AASS: variants seen among roughly 807,000 people sequenced by gnomAD.
AASS encodes aminoadipate-semialdehyde synthase.
A neutral mutation model predicts 105.4 loss-of-function variants in AASS; 86 were observed. The ratio of observed to expected loss-of-function variants is 0.82; its 90% CI spans 0.69 to 0.98. The LOEUF is 0.98. Among genes scored for constraint, AASS ranks in the 50% least tolerant of loss-of-function variants. The pLI is 0.00. For synonymous variants in AASS, 381 were observed against 394.8 expected (o/e 0.96, Z 0.41); for missense variants, 1,048 against 1,143.2 (o/e 0.92, Z 1.20).
chr7:122,133,843 T>C (rs1796023714), intron 1 of AASS, 102 bp from the exon 2 acceptor site: 4 of 996,702 alleles, frequency 4.0e-6, no homozygotes, highest in African/African-American at 3.2e-5. Context: ...CCCGCTCTTA[T>C]GAAAACAGAC....
intron 19 of AASS, among the ~76,000 whole-genome samples, chr7:122,084,997 T>C (rs1485646797): frequency 2.6e-5 from 4 of 152,184 alleles, no homozygotes; most frequent in South Asian, 4.1e-4. Context: ...CCTCAGAATA[T>C]GGCCTCACTT....
At chr7:122,134,342 T>C (rs1160867681) in intron 1 of AASS, among the ~76,000 whole-genome samples, 1 of 152,154 alleles carries the variant, frequency 6.6e-6, no homozygotes, top group African/African-American at 2.4e-5. Flanking sequence ...AAGTAAGCAT[T>C]TAGAAGCCTT....
At chr7:122,124,639 G>A (rs559681776) in intron 4 of AASS, among the ~76,000 whole-genome samples, 33 of 152,238 alleles carry the variant, frequency 2.2e-4, no homozygotes, top group African/African-American at 6.0e-4. Context: ...TTACTTGCTT[G>A]AATGCTTCTC....
Position 122,077,987 on chromosome 7 carries a change from A to G in AASS, c.2513T>C (p.Met838Thr), listed in dbSNP as rs1043080781. The stretch of plus-strand genomic sequence containing the variant: ...ATGTCTGATTCCAAAGCTGTCTCTC[A>G]TCACAATCATATCTTTTTCTTCAGG... ...YGPEEKDMIV[M>T]RDSFGIRHPS... The change falls in exon 23 of 24, where the codon ATG becomes ACG. Residue 838 changes from methionine to threonine, a missense_variant. Physicochemically the swap from Met to Thr is moderately conservative, Grantham distance 81. Transcript: ENST00000417368. 5.6e-6 allele frequency: 9 copies of G among 1,614,158 alleles called. No individual in the cohort carries two copies. The highest frequency in any genetic ancestry group is 6.8e-6 in the Non-Finnish European group (8 of 1,180,000).
chr7:122,079,492 A>C (rs984894764), intron 21 of AASS, 105 bp downstream of exon 21: 14 of 1,100,044 alleles, frequency 1.3e-5, no homozygotes, highest in Non-Finnish European at 1.8e-5. Flanking sequence ...CATTAGAGCA[A>C]CGAATTAATC....
chr7:122,107,206 A>T (rs975396210), intron 11 of AASS, among the ~76,000 whole-genome samples: 11 of 152,198 alleles, frequency 7.2e-5, no homozygotes, highest in African/African-American at 2.7e-4. Flanking sequence ...CACACTAGTC[A>T]GAATGGATAT....
intron 15 of AASS, among the ~76,000 whole-genome samples, chr7:122,094,558 A>G (rs1173482610): frequency 6.6e-6 from 1 of 152,186 alleles, no homozygotes; most frequent in African/African-American, 2.4e-5. Flanking sequence ...AAAACAACTT[A>G]AATATTGTCA....
Sources: gnomAD v4.1 joint callset for allele counts (sites outside exome capture counted in the v4.1 genomes callset) on GRCh38, gnomAD v4.1.1 for gene constraint, MANE v1.5 for transcripts, NCBI Gene and HGNC (gene_info 2026-07-23, HGNC 2026-07-21) for gene names.